Variants in PIK3CD observed in about 807,000 individuals in gnomAD.
PIK3CD encodes the protein phosphatidylinositol-4,5-bisphosphate 3-kinase catalytic subunit delta, also known as phosphatidylinositol 4,5-bisphosphate 3-kinase catalytic subunit delta isoform.
Under a neutral mutation model 122.9 loss-of-function variants are expected in PIK3CD, and 20 were observed. The observed-to-expected ratio is 0.16, with a 90% CI of 0.11 to 0.24. The LOEUF (loss-of-function observed/expected upper bound fraction) is 0.24, where lower values mean the gene tolerates loss of function less well. Among genes scored for constraint, PIK3CD ranks in the 10% least tolerant of loss-of-function variants. The pLI is 1.00. For missense variants in PIK3CD, 787 were observed against 1,406.3 expected, an observed-to-expected ratio of 0.56 and a Z score of 7.04; for synonymous variants, 596 against 593.4, an observed-to-expected ratio of 1.00 and a Z score of -0.06.
At chr1:9,631,965 TTCCC>T in the PIK3CD span, among the ~76,000 whole-genome samples, 32 of 149,898 alleles carry the variant, frequency 2.1e-4, no homozygotes, top group African/African-American at 3.3e-4. Context: ...TCCATCCTTC[TTCCC>T]TCCCTCCCTC....
At chr1:9,694,354 C>T (rs980090823) in intron 2 of PIK3CD, among the ~76,000 whole-genome samples, 5 of 151,812 alleles carry the variant, frequency 3.3e-5, no homozygotes, top group East Asian at 3.9e-4. Context: ...GCCAACATGG[C>T]GAAACCCCAT....
the PIK3CD span, among the ~76,000 whole-genome samples, chr1:9,628,626 A>G: frequency 6.4e-4 from 98 of 152,300 alleles, no homozygotes; most frequent in African/African-American, 2.0e-3. Context: ...AGCCTCAGTG[A>G]CCGGGCAGAC....
chr1:9,720,020 C>CGGCCCA lies in PIK3CD; in HGVS notation c.1339+12_1339+17dup, dbSNP rs1557667231. The CGGCCCA allele has an allele frequency of 6.2e-7, 1 of 1,613,506 alleles. No individual in the cohort carries two copies. Among genetic ancestry groups the CGGCCCA allele is most frequent in the Non-Finnish European group, 8.5e-7 (1 of 1,179,928 alleles). ...CTACATGTGGCCCTCCGTCCCAGGT[C>CGGCCCA]GGCCCAGGCCCAGGAGGGAGAGGCG... is the stretch of plus-strand genomic sequence containing the variant. On this transcript the variant is annotated splice_donor_region_variant and intron_variant, in intron 10 of 23. Coordinates refer to ENST00000377346, the MANE Select transcript of PIK3CD (RefSeq NM_005026.5). This position sits in a 1 kb window ranked among gnomAD's most constrained non-coding sequence, Gnocchi z 9.0.
intron 1 of PIK3CD, among the ~76,000 whole-genome samples, chr1:9,655,631 C>T (rs1644830397): frequency 6.6e-6 from 1 of 151,912 alleles, no homozygotes; most frequent in South Asian, 2.1e-4. Flanking sequence ...AACCTTACCA[C>T]CTCGGATAAG....
At chr1:9,655,066 CAAAAAAAAA>C (rs201406696) in intron 1 of PIK3CD, among the ~76,000 whole-genome samples, 2 of 124,864 alleles carry the variant, frequency 1.6e-5, no homozygotes, top group Non-Finnish European at 3.5e-5. Context: ...GACTACATTT[CAAAAAAAAA>C]AAAAAGAAAA....
At chr1:9,638,718 C>T in the PIK3CD span, among the ~76,000 whole-genome samples, 27 of 109,020 alleles carry the variant, frequency 2.5e-4, no homozygotes, top group African/African-American at 9.7e-4. Context: ...GGTGACAGAG[C>T]GAGACTCCTT....
In PIK3CD at chr1:9,724,308, G is replaced by C; in HGVS notation, c.2751G>C (p.Gly917=). 1.9e-6 allele frequency: 3 copies of C among 1,614,150 alleles called. No individual in the cohort carries two copies. Among genetic ancestry groups the C allele is most frequent in the Non-Finnish European group, 2.5e-6 (3 of 1,180,032 alleles). Residue 917 remains glycine, a synonymous_variant, in exon 22 of 24, where the codon GGG becomes GGC. Transcript: ENST00000377346. The surrounding 1 kb of genome is among the most constrained non-coding windows in gnomAD (Gnocchi z 7.3). ...LFHIDFGHFL[G]NFKTKFGINR... ...ACATTGATTTTGGCCACTTTCTGGG[G>C]AATTTCAAGACCAAGTTTGGAATCA...
In PIK3CD at chr1:9,717,592, A is replaced by G. The variant is rs766425588; in HGVS notation, c.986A>G (p.Gln329Arg). 1 of 1,614,136 alleles carries G rather than the reference A, an allele frequency of 6.2e-7. No homozygotes were observed. The highest frequency in any genetic ancestry group is 1.7e-5 in the Admixed American group (1 of 60,018). Residue 329 changes from glutamine to arginine, a missense_variant, in exon 8 of 24, where the codon CAG (glutamine) becomes CGG (arginine). Physicochemically the swap from Gln to Arg is conservative, Grantham distance 43. Transcript: ENST00000377346. This position sits in a 1 kb window ranked among gnomAD's most constrained non-coding sequence, Gnocchi z 5.4. ...CAGCCGTTCCGCATCGAGCTCATCCAGGGCAGCAAAGTGAACGCCGACGAG... is the reference window on the plus strand; with the variant it reads ...CAGCCGTTCCGCATCGAGCTCATCCGGGGCAGCAAAGTGAACGCCGACGAG... ...LEQPFRIELI[Q>R]GSKVNADERM...
the PIK3CD span, among the ~76,000 whole-genome samples, chr1:9,630,942 G>T: frequency 6.6e-6 from 1 of 152,018 alleles, no homozygotes; most frequent in Non-Finnish European, 1.5e-5. Context: ...TCAGATGATT[G>T]GTCATCCATT....
rs1294038331 is a variant in PIK3CD, at chr1:9,689,817, G to T, written c.-137-1650G>T. On this transcript the variant is annotated intron_variant, in intron 1 of 23. Coordinates refer to ENST00000377346, the MANE Select transcript of PIK3CD (RefSeq NM_005026.5). This position sits in a 1 kb window ranked among gnomAD's most constrained non-coding sequence, Gnocchi z 6.1. ...CCCCGCCCAGCCCCGGGCTTTGTCCGCCTGGGGCGGGGTGGGCAGGGTCGG... is the reference window on the plus strand; with the variant it reads ...CCCCGCCCAGCCCCGGGCTTTGTCCTCCTGGGGCGGGGTGGGCAGGGTCGG... Among the ~76,000 whole-genome samples, 1 of 151,966 alleles carries T rather than the reference G, an allele frequency of 6.6e-6. No homozygotes were observed. Among genetic ancestry groups the T allele is most frequent in the Non-Finnish European group, 1.5e-5 (1 of 67,810 alleles).
At chr1:9,682,648 C>T (rs2100266478) in intron 1 of PIK3CD, among the ~76,000 whole-genome samples, 1 of 152,272 alleles carries the variant, frequency 6.6e-6, no homozygotes, top group South Asian at 2.1e-4. Context: ...CTCCTGGGTT[C>T]AAGCGATTTT....
the PIK3CD span, among the ~76,000 whole-genome samples, chr1:9,642,951 G>A: frequency 2.6e-5 from 4 of 151,416 alleles, no homozygotes; most frequent in African/African-American, 9.7e-5. Context: ...AGCCGGGTGT[G>A]GTGGCATACA....
At position 9,722,696 on chromosome 1, in the gene PIK3CD, G is replaced by T. The variant is rs996362073; in HGVS notation, c.2426+90G>T. On this transcript the variant is annotated intron_variant, in intron 19 of 23. Transcript: ENST00000377346. This position sits in a 1 kb window ranked among gnomAD's most constrained non-coding sequence, Gnocchi z 7.6. Reference sequence around the variant, plus strand: ...GAGGGGTCCTTGTTGAAGGTGGCATGACCATCTCAGCCGGGGAAAGGGCTT... The same window carrying T: ...GAGGGGTCCTTGTTGAAGGTGGCATTACCATCTCAGCCGGGGAAAGGGCTT... 2 of 1,122,698 alleles carry T rather than the reference G, an allele frequency of 1.8e-6. No individual in the cohort carries two copies. Among genetic ancestry groups the T allele is most frequent in the Admixed American group, 1.8e-5 (1 of 55,452 alleles). 69.5% of individuals were successfully genotyped at this position (1,122,698 alleles called of 1,614,324 possible).
In PIK3CD at chr1:9,715,448, C is replaced by T. The variant is rs1647264696; in HGVS notation, c.142-93C>T. ...TCTGCCCTCTGGGAGGTTTGGACCC[C>T]CAGGCTGGAGGCCAGCTCTCCACCC... On this transcript the variant is annotated intron_variant, in intron 3 of 23. Transcript: ENST00000377346. The surrounding 1 kb of genome is among the most constrained non-coding windows in gnomAD (Gnocchi z 4.1). 2 of 1,123,102 alleles carry T rather than the reference C, an allele frequency of 1.8e-6. No homozygotes were observed. Among genetic ancestry groups the T allele is most frequent in the East Asian group, 5.0e-5 (2 of 39,788 alleles). 69.6% of individuals were successfully genotyped at this position (1,123,102 alleles called of 1,614,324 possible).
chr1:9,633,286 G>C, the PIK3CD span, among the ~76,000 whole-genome samples: 4 of 152,034 alleles, frequency 2.6e-5, no homozygotes, highest in Admixed American at 2.6e-4. Context: ...AACGCTAGTT[G>C]GTTGCCTGTA....
At chr1:9,645,769 CT>C in the PIK3CD span, among the ~76,000 whole-genome samples, 83 of 151,896 alleles carry the variant, frequency 5.5e-4, 3 homozygotes, top group Non-Finnish European at 2.9e-5. Context: ...CCATGCTCAG[CT>C]AATTTTTTGT....
chr1:9,643,481 G>A, the PIK3CD span, among the ~76,000 whole-genome samples: 1 of 117,968 alleles, frequency 8.5e-6, no homozygotes, highest in Non-Finnish European at 1.8e-5. Flanking sequence ...GGAAGGGAGG[G>A]AGGGAGGGAG....
At chr1:9,688,220 T>C (rs780306827) in intron 1 of PIK3CD, 1 of 152,284 alleles carries the variant, frequency 6.6e-6, no homozygotes, top group East Asian at 1.9e-4. Context: ...CAAGGAGTGT[T>C]CTTCAAACCA....
At position 9,699,400 on chromosome 1, in the gene PIK3CD, A is replaced by G. The variant is rs532856718; in HGVS notation, c.-33+7829A>G. ...CCATTTTCCCACAGCAGCCAAAGCC[A>G]TCTTTATAAAGCATAAAATCAGGCC... On this transcript the variant is annotated intron_variant, in intron 2 of 23. Transcript: ENST00000377346. Among the ~76,000 whole-genome samples the G allele has an allele frequency of 5.3e-5, 8 of 152,192 alleles. No individual in the cohort carries two copies. In the East Asian group the frequency reaches 9.7e-4, roughly 18 times the overall value.
Sources: gnomAD v4.1 joint callset for allele counts (sites outside exome capture counted in the v4.1 genomes callset) on GRCh38, gnomAD v4.1.1 for gene constraint, Gnocchi (gnomAD v3.1) non-coding constraint, MANE v1.5 for transcripts, NCBI Gene and HGNC (gene_info 2026-07-23, HGNC 2026-07-21) for gene names.